The following NETO1 variants were observed in gnomAD, a reference collection of about 807,000 sequenced individuals.
NETO1 encodes the protein neuropilin and tolloid like 1, also known as neuropilin and tolloid-like protein 1.
NETO1 carries 26 observed loss-of-function variants against 61.3 expected under a neutral mutation model. The ratio of observed to expected loss-of-function variants is 0.42; its 90% CI spans 0.31 to 0.59. The LOEUF (loss-of-function observed/expected upper bound fraction) is 0.59, where lower values mean the gene tolerates loss of function less well. NETO1 is among the 20% of genes least tolerant of loss of function. The pLI, the probability that NETO1 is intolerant of heterozygous loss-of-function variation, is 0.12. For missense variants in NETO1, 531 were observed against 662.8 expected, an observed-to-expected ratio of 0.80 and a Z score of 2.18; for synonymous variants, 225 against 225.8, an observed-to-expected ratio of 1.00 and a Z score of 0.03.
In NETO1 at chr18:72,811,689, C is replaced by A. The variant is rs117259053; in HGVS notation, c.470-17285G>T. On this transcript the variant is annotated intron_variant, in intron 4 of 10. Transcript: ENST00000327305. ...GTGTGGTGGCATGTGCCCGTAGTCC[C>A]AGCTACTTGGGAAGCTAAGGCAGGA... Among the ~76,000 whole-genome samples the A allele has an allele frequency of 8.1e-3, 1,228 of 152,200 alleles. 27 individuals are homozygous for A. The East Asian group carries it at 0.089, about 11-fold the overall frequency.
chr18:72,778,547 C>T (rs1244586813), intron 7 of NETO1, among the ~76,000 whole-genome samples: 3 of 152,164 alleles, frequency 2.0e-5, no homozygotes, highest in Non-Finnish European at 4.4e-5. Context: ...CAAGCAATAC[C>T]TTCCACAAAA....
intron 7 of NETO1, among the ~76,000 whole-genome samples, chr18:72,756,911 G>T (rs1481663329): frequency 2.6e-5 from 4 of 152,054 alleles, no homozygotes; most frequent in African/African-American, 9.7e-5. Context: ...TGTTAGATAT[G>T]ATTTCAATAT....
At position 72,807,474 on chromosome 18, in the gene NETO1, A is replaced by C. The variant is rs551419238; in HGVS notation, c.470-13070T>G. Among the ~76,000 whole-genome samples, 21 of 152,258 alleles carry C rather than the reference A, an allele frequency of 1.4e-4. 1 individual carries two copies. The South Asian group carries it at 3.7e-3, about 27-fold the overall frequency. On this transcript the variant is annotated intron_variant, in intron 4 of 10. Coordinates refer to ENST00000327305, the MANE Select transcript of NETO1 (RefSeq NM_138966.5). ...TCATGGTGCGTGTATTCACATTTTT[A>C]AACAAATTGAGAAAACGTAACTCTT...
chr18:72,834,308 A>G, intron 4 of NETO1: 1 of 862,086 alleles, frequency 1.2e-6, no homozygotes, highest in Non-Finnish European at 1.4e-6. Context: ...CATAAATGAC[A>G]AAACTGTAGT....
Position 72,811,812 on chromosome 18 carries a change from G to GA in NETO1, c.470-17409dup, listed in dbSNP as rs543335603. Among the ~76,000 whole-genome samples, 8 of 150,850 alleles carry GA rather than the reference G, an allele frequency of 5.3e-5. No homozygotes were observed. The East Asian group carries it at 1.2e-3, about 22-fold the overall frequency. ...AGAGTGAGACCCTGTCTGAAAGAAA[G>GA]AAAAAAAAAGTAACTCATTAATGAA... On this transcript the variant is annotated intron_variant, in intron 4 of 10. Transcript: ENST00000327305.
At chr18:72,804,191 A>G (rs904538438) in intron 4 of NETO1, among the ~76,000 whole-genome samples, 2 of 152,192 alleles carry the variant, frequency 1.3e-5, no homozygotes, top group East Asian at 3.8e-4. Context: ...TACAGCCAAT[A>G]AGCCAAGCAT....
At chr18:72,758,796 AC>A (rs2070873310) in intron 7 of NETO1, among the ~76,000 whole-genome samples, 1 of 152,116 alleles carries the variant, frequency 6.6e-6, no homozygotes, top group African/African-American at 2.4e-5. Context: ...AGATTGCGCC[AC>A]TGTACTCCAG....
At chr18:72,809,459 T>G (rs2072790077) in intron 4 of NETO1, among the ~76,000 whole-genome samples, 2 of 152,092 alleles carry the variant, frequency 1.3e-5, no homozygotes, top group Non-Finnish European at 2.9e-5. Context: ...GTAAAAAATA[T>G]CAACCAGGCT....
At chr18:72,844,063 T>TG (rs1344916433) in intron 4 of NETO1, among the ~76,000 whole-genome samples, 1 of 152,250 alleles carries the variant, frequency 6.6e-6, no homozygotes, top group African/African-American at 2.4e-5. Context: ...CACAAAGGTA[T>TG]CTCATTGTTA....
intron 4 of NETO1, among the ~76,000 whole-genome samples, chr18:72,850,107 C>T (rs12964029): frequency 0.25 from 38,019 of 152,142 alleles, 5,511 homozygotes; most frequent in East Asian, 0.45. Context: ...TTGACATATT[C>T]ATAGATTGCA....
intron 4 of NETO1, among the ~76,000 whole-genome samples, chr18:72,839,043 G>A (rs141204895): frequency 0.011 from 1,709 of 152,212 alleles, 15 homozygotes; most frequent in Middle Eastern, 0.031. Flanking sequence ...TTTTCCTACT[G>A]TACCACTAAG....
rs540607691 is a variant in NETO1, at chr18:72,834,014, C to T, written c.469+24812G>A. The T allele has an allele frequency of 6.4e-4, 412 of 642,358 alleles. 5 individuals are homozygous for T. In the South Asian group the frequency reaches 0.023, roughly 36 times the overall value. 39.8% of individuals were successfully genotyped at this position (642,358 alleles called of 1,614,324 possible). A position where few individuals can be genotyped will look rare whatever the true frequency, so the allele number is the denominator to read the frequency against. Reference sequence around the variant, plus strand: ...GTGAATACAACATTTTAACACCCAACCTACAAGAGACAGATATATTTTCAT... The same window carrying T: ...GTGAATACAACATTTTAACACCCAATCTACAAGAGACAGATATATTTTCAT... On this transcript the variant is annotated intron_variant, in intron 4 of 10. Coordinates refer to ENST00000327305, the MANE Select transcript of NETO1 (RefSeq NM_138966.5).
chr18:72,782,878 G>GT (rs1000674118), intron 7 of NETO1, among the ~76,000 whole-genome samples: 21 of 152,134 alleles, frequency 1.4e-4, no homozygotes, highest in African/African-American at 5.1e-4. Flanking sequence ...TCTCACTGTG[G>GT]TTTTGACTTG....
intron 6 of NETO1, among the ~76,000 whole-genome samples, chr18:72,792,807 C>T (rs962724288): frequency 3.3e-5 from 5 of 151,864 alleles, no homozygotes; most frequent in Admixed American, 2.0e-4. Context: ...CATGTGGTCA[C>T]GTGCAATTAC....
rs760397476 is a variant in NETO1, at chr18:72,864,902, T to A, written c.126A>T (p.Gly42=). Residue 42 remains glycine, a synonymous_variant, in exon 3 of 11, where the codon GGA becomes GGT. Coordinates refer to ENST00000327305, the MANE Select transcript of NETO1 (RefSeq NM_138966.5). ...CTCCCTCTGCATGTTTTGTCCAAGT[T>A]CCACACTGCACTGACTTCTGTGTTT... is the stretch of plus-strand genomic sequence containing the variant. ...TSETQKSVQC[G]TWTKHAEGGI... The A allele has an allele frequency of 6.2e-7, 1 of 1,613,920 alleles. No homozygotes were observed. Among genetic ancestry groups the A allele is most frequent in the South Asian group, 1.1e-5 (1 of 91,060 alleles).
intron 4 of NETO1, among the ~76,000 whole-genome samples, chr18:72,825,260 A>G (rs973792531): frequency 5.3e-5 from 8 of 152,224 alleles, no homozygotes; most frequent in African/African-American, 1.7e-4. Context: ...ACTGATTTCT[A>G]CTTCATCAAA....
intron 4 of NETO1, among the ~76,000 whole-genome samples, chr18:72,844,361 C>T (rs2074021776): frequency 6.6e-6 from 1 of 152,176 alleles, no homozygotes; most frequent in Admixed American, 6.5e-5. Context: ...TCTCTCTCTG[C>T]TCAATCATCC....
At chr18:72,826,316 T>G (rs570962749) in intron 4 of NETO1, among the ~76,000 whole-genome samples, 10 of 152,322 alleles carry the variant, frequency 6.6e-5, no homozygotes, top group Admixed American at 5.2e-4. Flanking sequence ...AGCTTTCTTT[T>G]ACTTAACACT....
At chr18:72,771,259 G>C (rs2071342726) in intron 7 of NETO1, among the ~76,000 whole-genome samples, 1 of 152,164 alleles carries the variant, frequency 6.6e-6, no homozygotes, top group African/African-American at 2.4e-5. Context: ...ATCAATCACT[G>C]TGTCAGTAGA....
Sources: gnomAD v4.1 joint callset for allele counts (sites outside exome capture counted in the v4.1 genomes callset) on GRCh38, gnomAD v4.1.1 for gene constraint, MANE v1.5 for transcripts, NCBI Gene and HGNC (gene_info 2026-07-23, HGNC 2026-07-21) for gene names.